The following PSRC1 variants were observed in gnomAD, a reference collection of about 807,000 sequenced individuals.
The protein encoded by PSRC1 is proline and serine rich coiled-coil 1.
A neutral mutation model predicts 31.9 loss-of-function variants in PSRC1; 30 were observed. The observed-to-expected ratio is 0.94, with a 90% CI of 0.70 to 1.28. The LOEUF (loss-of-function observed/expected upper bound fraction) is 1.28, where lower values mean the gene tolerates loss of function less well. Ranked by LOEUF, PSRC1 falls within the 50% of genes most tolerant of loss-of-function variation. The pLI is 0.00. For synonymous variants in PSRC1, 191 were observed against 192.1 expected, an observed-to-expected ratio of 0.99 and a Z score of 0.05; for missense variants, 481 against 472.8, an observed-to-expected ratio of 1.02 and a Z score of -0.16.
intron 3 of PSRC1, 119 bp from the exon 4 acceptor site, chr1:109,282,179 C>T: frequency 6.4e-6 from 6 of 933,840 alleles, no homozygotes; most frequent in Non-Finnish European, 9.3e-6. Flanking sequence ...GCCCCGATGC[C>T]CATGCTGGCT....
At chr1:109,281,957 C>A in exon 4 of PSRC1, 1 of 1,550,082 alleles carries the variant, frequency 6.5e-7, no homozygotes, top group South Asian at 1.2e-5. Context: ...AGCCTCACAC[C>A]CTGGGGGGCA....
exon 4 of PSRC1, chr1:109,281,977 G>T: frequency 6.5e-7 from 1 of 1,528,586 alleles, no homozygotes; most frequent in Non-Finnish European, 8.8e-7. Flanking sequence ...AGGTGCCACT[G>T]CATTTGGGTC....
At chr1:109,282,808 C>T in intron 1 of PSRC1, 72 bp from the exon 2 acceptor site, 2 of 1,477,194 alleles carry the variant, frequency 1.4e-6, no homozygotes, top group South Asian at 1.2e-5. Context: ...AGGGTGCAAG[C>T]CAGGGTCGGG....
At position 109,281,881 on chromosome 1, in the gene PSRC1, G is replaced by A. The variant is rs116496512; in HGVS notation, c.257C>T (p.Ala86Val). ...CTGCAGGGCACACTGCTCCAGCTGA[G>A]CGGCCAGCCGGTTGGCCTCATCGAG... The change falls in exon 4 of 7, where the codon GCT becomes GTT. Residue 86 changes from alanine (A) to valine (V), a missense_variant. By Grantham distance (64) the Ala-to-Val change is moderately conservative. Transcript: ENST00000409138. 3.1e-3 allele frequency: 4,988 copies of A among 1,612,382 alleles called. 23 individuals carry two copies. The highest frequency in any genetic ancestry group is 0.013 in the Middle Eastern group (81 of 6,050).
intron 4 of PSRC1, 91 bp from the exon 5 acceptor site, chr1:109,281,342 G>A: frequency 8.7e-7 from 1 of 1,153,014 alleles, no homozygotes; most frequent in Non-Finnish European, 1.2e-6. Context: ...GTGGAGAGTT[G>A]TCTACATCCC....
At chr1:109,280,571 T>G (rs865873197) in intron 5 of PSRC1, 82 bp from the exon 7 acceptor site, 1 of 1,216,478 alleles carries the variant, frequency 8.2e-7, no homozygotes, top group Non-Finnish European at 1.2e-6. Flanking sequence ...AGGGAGCGAG[T>G]GTGGGATTAG....
intron 3 of PSRC1, 150 bp from the exon 4 acceptor site, chr1:109,282,210 G>A (rs1657278490): frequency 4.2e-6 from 3 of 709,526 alleles, no homozygotes; most frequent in East Asian, 2.7e-5. Context: ...GCCTCTGGGC[G>A]ATGAGATACC....
intron 3 of PSRC1, 50 bp from the exon 4 acceptor site, chr1:109,282,110 A>C: frequency 7.1e-7 from 1 of 1,415,742 alleles, no homozygotes; most frequent in Non-Finnish European, 9.4e-7. Flanking sequence ...AGGGAACAGG[A>C]GATTATGCAA....
intron 3 of PSRC1, 140 bp downstream of exon 3, chr1:109,282,378 C>A: frequency 1.4e-6 from 1 of 738,560 alleles, no homozygotes; most frequent in Non-Finnish European, 2.3e-6. Context: ...TCATAGAGGC[C>A]CGAGTCAGCC....
intron 3 of PSRC1, 66 bp downstream of exon 3, chr1:109,282,452 G>T: frequency 6.8e-7 from 1 of 1,468,190 alleles, no homozygotes; most frequent in South Asian, 1.2e-5. Flanking sequence ...CAATAATTCA[G>T]CAGTAAGGGA....
intron 1 of PSRC1, 124 bp from the exon 2 acceptor site, chr1:109,282,860 C>T: frequency 1.2e-6 from 1 of 806,634 alleles, no homozygotes; most frequent in South Asian, 1.7e-5. Flanking sequence ...AGTGGCACCT[C>T]CCGCACAGCT....
Position 109,281,011 on chromosome 1 carries a change from G to A in PSRC1, c.760C>T (p.Gln254Ter), listed in dbSNP as rs1656991851. Residue 254 changes from glutamine (Q) to a stop codon, truncating the protein, a stop_gained, in exon 5 of 7, where the codon CAG becomes TAG. Coordinates refer to ENST00000409138, the Ensembl canonical transcript of PSRC1. LOFTEE classifies it high-confidence loss of function. ...CGTTGAGAGTTGCTGGTAGAAGGCT[G>A]TGGGGCCAGGACGGATCTGATGGGG... 4 of 1,610,290 alleles carry A rather than the reference G, an allele frequency of 2.5e-6. No individual in the cohort carries two copies. In the South Asian group the frequency reaches 3.3e-5, roughly 13 times the overall value.
chr1:109,281,703 C>T (rs555843415), exon 4 of PSRC1: 78 of 1,613,978 alleles, frequency 4.8e-5, no homozygotes, highest in Non-Finnish European at 6.1e-5. Context: ...GGAGTCGAGG[C>T]GTCAGGCTGC....
rs770186008 is a variant in PSRC1 at position 109,281,903 on chromosome 1, C to T, written c.235G>A (p.Asp79Asn). The T allele has an allele frequency of 2.9e-5, 46 of 1,609,998 alleles. No individual in the cohort carries two copies. Among genetic ancestry groups the T allele is most frequent in the South Asian group, 2.4e-4 (22 of 90,944 alleles). ...TGAGCGGCCAGCCGGTTGGCCTCAT[C>T]GAGGATCTCCTCCAGCTTCTCTGGA... The change falls in exon 4 of 7, where the codon GAT becomes AAT. Residue 79 changes from aspartate (D) to asparagine (N), a missense_variant. Asp to Asn is a conservative substitution (Grantham distance 23). Transcript: ENST00000409138.
rs374787678 is a variant in PSRC1 at position 109,280,767 on chromosome 1, G to T, written c.994+10C>A. ...GGCAAGGGCGGGCATTCTTCCTCCT[G>T]ACCTCTTACCCTTGTGTCCACTTTC... is the stretch of plus-strand genomic sequence containing the variant. On this transcript the variant is annotated intron_variant, in intron 5 of 6. Coordinates refer to ENST00000409138, the Ensembl canonical transcript of PSRC1. 13 of 1,550,154 alleles carry T rather than the reference G, an allele frequency of 8.4e-6. No homozygotes were observed. In the East Asian group the frequency reaches 2.7e-4, roughly 32 times the overall value.
chr1:109,281,035 G>C (rs1240880100), exon 5 of PSRC1: 1 of 1,613,410 alleles, frequency 6.2e-7, no homozygotes, highest in Non-Finnish European at 8.5e-7. Flanking sequence ...GATCTGATGG[G>C]GGTGGGTGGG....
At chr1:109,280,002 T>A (rs1421013349) in exon 7 of PSRC1, 3 of 934,306 alleles carry the variant, frequency 3.2e-6, no homozygotes, top group Non-Finnish European at 5.3e-6. Flanking sequence ...TTTCCCATGG[T>A]CTCTACTCCT....
At chr1:109,281,992 C>A (rs1204382799) in exon 4 of PSRC1, 3 of 1,517,316 alleles carry the variant, frequency 2.0e-6, no homozygotes, top group African/African-American at 2.8e-5. Flanking sequence ...TGGGTCACTT[C>A]GGTGGGAGAG....
chr1:109,281,082 C>T (rs1379987729), exon 5 of PSRC1: 6 of 1,613,208 alleles, frequency 3.7e-6, no homozygotes, highest in Non-Finnish European at 4.2e-6. Flanking sequence ...CAGGGTCAAT[C>T]CCACAAACTC....
Sources: allele counts gnomAD v4.1 joint callset, GRCh38; gene constraint gnomAD v4.1.1; transcripts MANE v1.5; gene names NCBI Gene and HGNC (gene_info 2026-07-23, HGNC 2026-07-21).